Variants in GSPT1 observed in about 807,000 individuals in gnomAD.
GSPT1 encodes G1 to S phase transition 1.
A neutral mutation model predicts 72.5 loss-of-function variants in GSPT1; 20 were observed. That is an observed-to-expected ratio of 0.28 (90% CI 0.19 to 0.40). The LOEUF (loss-of-function observed/expected upper bound fraction) is 0.40. Among genes scored for constraint, GSPT1 ranks in the 10% least tolerant of loss-of-function variants. The probability of loss-of-function intolerance (pLI) is 1.00; values close to 1 mark genes in which losing one functional copy is unlikely to be tolerated. For synonymous variants in GSPT1, 334 were observed against 293.5 expected (o/e 1.14, Z -1.41); for missense variants, 580 against 811.9 (o/e 0.71, Z 3.47).
In GSPT1 at chr16:11,873,349, T is replaced by C. The variant is rs1041407440; in HGVS notation, c.1862-178A>G. Among the ~76,000 whole-genome samples, 15 of 152,202 alleles carry C rather than the reference T, an allele frequency of 9.9e-5. No individual in the cohort carries two copies. The East Asian group carries it at 1.9e-3, about 20-fold the overall frequency. ...GGTAGTCTTAATAAGAGGGTCTTATTTGGGGGGGCTGGTAAAGAGATGGTT... is the reference window on the plus strand; with the variant it reads ...GGTAGTCTTAATAAGAGGGTCTTATCTGGGGGGGCTGGTAAAGAGATGGTT... On this transcript the variant is annotated intron_variant, in intron 14 of 14. Transcript: ENST00000434724.
intron 7 of GSPT1, among the ~76,000 whole-genome samples, chr16:11,887,214 C>A (rs71385103): frequency 2.8e-3 from 428 of 152,160 alleles, no homozygotes; most frequent in South Asian, 9.5e-3. Flanking sequence ...AAATTGTGAT[C>A]TACTACCAGT....
intron 1 of GSPT1, among the ~76,000 whole-genome samples, chr16:11,901,124 TC>T (rs1249610033): frequency 2.6e-5 from 4 of 152,122 alleles, no homozygotes; most frequent in African/African-American, 9.7e-5. Context: ...ACCACTGCAC[TC>T]CAGCCTGGGC....
chr16:11,915,768 C>T lies in GSPT1; in HGVS notation c.-48G>A. The T allele has an allele frequency of 6.4e-7, 1 of 1,567,152 alleles. No homozygotes were observed. The highest frequency in any genetic ancestry group is 8.6e-7 in the Non-Finnish European group (1 of 1,163,238). On this transcript the variant is annotated 5_prime_UTR_variant, in exon 1 of 15. Transcript: ENST00000434724. ...GTGGACAGAGAGCGGGAAATGGAGGCAGGGGCGCCCGGCCGGAGAGGAGTG... is the reference window on the plus strand; with the variant it reads ...GTGGACAGAGAGCGGGAAATGGAGGTAGGGGCGCCCGGCCGGAGAGGAGTG...
At chr16:11,878,787 T>C (rs1051256761) in intron 11 of GSPT1, among the ~76,000 whole-genome samples, 4 of 151,942 alleles carry the variant, frequency 2.6e-5, no homozygotes, top group Admixed American at 6.6e-5. Flanking sequence ...AATAATGCTA[T>C]GCAGGCCAGG....
At chr16:11,897,760 T>C (rs1167957317) in intron 3 of GSPT1, 80 bp downstream of exon 3, 2 of 746,384 alleles carry the variant, frequency 2.7e-6, no homozygotes, top group Non-Finnish European at 4.8e-6. Context: ...ACAATAATCG[T>C]AACTTACATA....
chr16:11,892,519 AAAAC>A (rs1271659248), intron 5 of GSPT1, among the ~76,000 whole-genome samples: 1 of 142,696 alleles, frequency 7.0e-6, no homozygotes, highest in Admixed American at 6.9e-5. Context: ...AAAAACAAAA[AAAAC>A]AAAAAAAACA....
chr16:11,883,877 C>T (rs2054155405), intron 10 of GSPT1, among the ~76,000 whole-genome samples: 1 of 150,652 alleles, frequency 6.6e-6, no homozygotes, highest in Non-Finnish European at 1.5e-5. Context: ...CATGCCACTG[C>T]ACTCCAGCCT....
intron 1 of GSPT1, among the ~76,000 whole-genome samples, chr16:11,901,274 T>G (rs939764028): frequency 2.6e-5 from 4 of 152,216 alleles, no homozygotes; most frequent in Non-Finnish European, 2.9e-5. Context: ...CAGATTTTAC[T>G]GGCTACTAAT....
intron 14 of GSPT1, among the ~76,000 whole-genome samples, chr16:11,875,381 A>G (rs755655984): frequency 3.9e-5 from 6 of 152,172 alleles, no homozygotes; most frequent in Non-Finnish European, 7.3e-5. Flanking sequence ...ATGCACACAA[A>G]AGGTCACAAA....
chr16:11,881,552 C>T (rs1567437059), intron 11 of GSPT1: 1 of 151,630 alleles, frequency 6.6e-6, no homozygotes, highest in Admixed American at 6.6e-5. Flanking sequence ...AATTCTAAAA[C>T]TTCATTGTCC....
intron 5 of GSPT1, among the ~76,000 whole-genome samples, chr16:11,891,747 C>A (rs1393719763): frequency 6.7e-6 from 1 of 149,794 alleles, no homozygotes; most frequent in Admixed American, 6.8e-5. Flanking sequence ...ACTGCAACTT[C>A]CTCCTCCTGG....
chr16:11,896,879 A>T, intron 3 of GSPT1, 94 bp from the exon 4 acceptor site: 2 of 824,504 alleles, frequency 2.4e-6, no homozygotes, highest in Non-Finnish European at 3.9e-6. Context: ...GGAAGTTTGC[A>T]TATGTAGTTC....
chr16:11,877,270 TATA>T lies in GSPT1; in HGVS notation c.1602+134_1602+136del, dbSNP rs2054060619. 1 of 607,676 alleles carries T rather than the reference TATA, an allele frequency of 1.6e-6. No homozygotes were observed. The highest frequency in any genetic ancestry group is 2.4e-5 in the South Asian group (1 of 41,824). 37.6% of individuals were successfully genotyped at this position (607,676 alleles called of 1,614,324 possible). A position where few individuals can be genotyped will look rare whatever the true frequency, so the allele number is the denominator to read the frequency against. On this transcript the variant is annotated intron_variant, in intron 12 of 14. Transcript: ENST00000434724. The surrounding 1 kb of genome is among the most constrained non-coding windows in gnomAD (Gnocchi z 4.0). ...TTGTGGTTATGATATATAAGTGGCT[TATA>T]ATATTTCCATTCCCCTTCTCTACAC...
chr16:11,883,391 AC>A (rs1308504262), intron 10 of GSPT1, among the ~76,000 whole-genome samples: 1 of 148,624 alleles, frequency 6.7e-6, no homozygotes, highest in East Asian at 2.0e-4. Flanking sequence ...AGGTGGGTGG[AC>A]CACCTGAGGT....
At chr16:11,911,178 G>T (rs1021144209) in intron 1 of GSPT1, among the ~76,000 whole-genome samples, 1 of 152,156 alleles carries the variant, frequency 6.6e-6, no homozygotes, top group Non-Finnish European at 1.5e-5. Context: ...TACCTCAACA[G>T]ATAGAATTTA....
At position 11,898,019 on chromosome 16, in the gene GSPT1, A is replaced by C. The variant is rs79656095; in HGVS notation, c.369T>G (p.Ser123=). The C allele has an allele frequency of 2.6e-4, 400 of 1,549,260 alleles. 2 individuals are homozygous for C. In the East Asian group the frequency reaches 9.5e-3, roughly 37 times the overall value. Residue 123 remains serine (S), a synonymous_variant, in exon 2 of 15, where the codon TCT becomes TCG. Transcript: ENST00000434724. ...CTTCACACAATGACTGTTCCTCTTG[A>C]GAGGATTCCACAGGTGCTGTTTAAC... is the stretch of plus-strand genomic sequence containing the variant. ...AGGRAAPVES[S]QEEQSLCEGS... is the part of the protein sequence containing the mutation.
Position 11,898,001 on chromosome 16 carries a change from C to T in GSPT1, c.387G>A (p.Leu129=). 6.4e-7 allele frequency: 1 copy of T among 1,551,374 alleles called. No homozygotes were observed. The highest frequency in any genetic ancestry group is 8.7e-7 in the Non-Finnish European group (1 of 1,144,452). The change falls in exon 2 of 15, where the codon TTG becomes TTA. Residue 129 remains leucine, a synonymous_variant. Coordinates refer to ENST00000434724, the MANE Select transcript of GSPT1 (RefSeq NM_002094.4). ...CAAAGAGTACATCATTACCTTCACA[C>T]AATGACTGTTCCTCTTGAGAGGATT... is the stretch of plus-strand genomic sequence containing the variant. ...PVESSQEEQS[L]CEGSNSAVSM...
intron 4 of GSPT1, 182 bp from the exon 5 acceptor site, chr16:11,895,169 G>A (rs970426752): frequency 1.2e-5 from 6 of 499,316 alleles, no homozygotes; most frequent in Non-Finnish European, 1.9e-5. Flanking sequence ...GGTGGCTCAC[G>A]CCTGTAATTC....
At chr16:11,876,781 G>A (rs930967358) in intron 12 of GSPT1, among the ~76,000 whole-genome samples, 4 of 152,048 alleles carry the variant, frequency 2.6e-5, no homozygotes, top group African/African-American at 9.7e-5. Flanking sequence ...TTTCTTATCT[G>A]GGAAGACTTT....
Sources: allele counts gnomAD v4.1 joint callset (sites outside exome capture counted in the v4.1 genomes callset), GRCh38; gene constraint gnomAD v4.1.1; non-coding constraint Gnocchi (gnomAD v3.1); transcripts MANE v1.5; gene names NCBI Gene and HGNC (gene_info 2026-07-23, HGNC 2026-07-21).